GREB1L: variants seen among roughly 807,000 people sequenced by gnomAD.
GREB1L encodes GREB1-like protein.
A neutral mutation model predicts 200.8 loss-of-function variants in GREB1L; 17 were observed. The ratio of observed to expected loss-of-function variants is 0.08; its 90% CI spans 0.06 to 0.13. GREB1L has a LOEUF of 0.13. GREB1L is among the 10% of genes least tolerant of loss of function. The pLI is 1.00. For synonymous variants in GREB1L, 789 were observed against 893.0 expected (o/e 0.88, Z 2.08); for missense variants, 1,657 against 2,367.7 (o/e 0.70, Z 6.23).
chr18:21,461,096 CA>C (rs71178176), intron 15 of GREB1L, among the ~76,000 whole-genome samples: 40 of 130,008 alleles, frequency 3.1e-4, no homozygotes, highest in Admixed American at 3.1e-4. Flanking sequence ...GACTCCATCT[CA>C]AAAAAAAAAA....
intron 1 of GREB1L, among the ~76,000 whole-genome samples, chr18:21,277,053 C>G (rs1181946302): frequency 6.6e-6 from 1 of 151,716 alleles, no homozygotes; most frequent in African/African-American, 2.4e-5. Context: ...CTCAGCCTCC[C>G]AAGTAGCTGG....
intron 7 of GREB1L, among the ~76,000 whole-genome samples, chr18:21,435,563 G>A (rs1323607640): frequency 6.6e-6 from 1 of 152,120 alleles, no homozygotes; most frequent in Admixed American, 6.6e-5. Flanking sequence ...ACAATGAGGA[G>A]ATCTTCACTG....
chr18:21,309,226 A>G (rs1158649757), intron 1 of GREB1L, among the ~76,000 whole-genome samples: 1 of 152,212 alleles, frequency 6.6e-6, no homozygotes, highest in Non-Finnish European at 1.5e-5. Flanking sequence ...CCTGCTTTGT[A>G]TAGTTGAGTT....
At chr18:21,254,019 G>T (rs1243170361) in intron 1 of GREB1L, among the ~76,000 whole-genome samples, 1 of 139,378 alleles carries the variant, frequency 7.2e-6, no homozygotes, top group Admixed American at 7.3e-5. Flanking sequence ...AAAACTTTCT[G>T]TGGAGATAGG....
At chr18:21,304,598 C>G (rs534683613) in intron 1 of GREB1L, among the ~76,000 whole-genome samples, 1 of 152,040 alleles carries the variant, frequency 6.6e-6, no homozygotes, top group Admixed American at 6.5e-5. Flanking sequence ...CATTTGGATA[C>G]AAATAGGTAT....
chr18:21,442,958 G>A (rs1352717286), intron 10 of GREB1L, among the ~76,000 whole-genome samples: 11 of 152,074 alleles, frequency 7.2e-5, no homozygotes, highest in Non-Finnish European at 4.4e-5. Context: ...CACTCAGGCT[G>A]GAGTGCAGTG....
intron 14 of GREB1L, 39 bp downstream of exon 14, chr18:21,452,256 T>C: frequency 6.5e-7 from 1 of 1,542,032 alleles, no homozygotes; most frequent in South Asian, 1.2e-5. Flanking sequence ...AGTCAGTCCT[T>C]GGGACAGACA....
At chr18:21,474,573 G>A (rs891044716) in intron 16 of GREB1L, among the ~76,000 whole-genome samples, 8 of 152,190 alleles carry the variant, frequency 5.3e-5, no homozygotes, top group Non-Finnish European at 1.0e-4. Flanking sequence ...CCATGTGGAA[G>A]CTGCTTCCAC....
intron 15 of GREB1L, among the ~76,000 whole-genome samples, chr18:21,461,562 A>G (rs1222829645): frequency 1.3e-5 from 2 of 151,986 alleles, no homozygotes; most frequent in African/African-American, 4.8e-5. Context: ...TTTTGGCAAC[A>G]CTGGAGACCT....
intron 7 of GREB1L, among the ~76,000 whole-genome samples, chr18:21,417,675 G>A (rs886876402): frequency 6.6e-6 from 1 of 151,946 alleles, no homozygotes; most frequent in African/African-American, 2.4e-5. Flanking sequence ...ATGAAAATCC[G>A]AATCTTTACA....
At chr18:21,424,264 G>A (rs1398740218) in intron 7 of GREB1L, among the ~76,000 whole-genome samples, 1 of 152,126 alleles carries the variant, frequency 6.6e-6, no homozygotes, top group Non-Finnish European at 1.5e-5. Flanking sequence ...TTTATACATA[G>A]TATTTTTAAA....
chr18:21,417,820 A>G (rs2031783971), intron 7 of GREB1L, among the ~76,000 whole-genome samples: 1 of 151,970 alleles, frequency 6.6e-6, no homozygotes, highest in African/African-American at 2.4e-5. Context: ...TCTACTAAAA[A>G]TATTTGAAAA....
Position 21,500,051 on chromosome 18 carries a change from C to T in GREB1L, c.3714C>T (p.Ala1238=). The T allele has an allele frequency of 6.4e-7, 1 of 1,551,646 alleles. No homozygotes were observed. ...CAGTGGTGATCCTATCCAAAGCGGC[C>T]TACAGTCTCCTGGGCTCCCAGAAGA... is the stretch of plus-strand genomic sequence containing the variant. ...LPPVVILSKA[A]YSLLGSQKSG... Residue 1238 remains alanine, a synonymous_variant, in exon 22 of 33, where the codon GCC becomes GCT. Coordinates refer to ENST00000424526, the MANE Select transcript of GREB1L (RefSeq NM_001142966.3).
chr18:21,496,924 A>G (rs186221345), intron 21 of GREB1L, among the ~76,000 whole-genome samples: 1 of 152,284 alleles, frequency 6.6e-6, no homozygotes, highest in Non-Finnish European at 1.5e-5. Context: ...AGAGCTTGGT[A>G]ATAGGCTAAA....
chr18:21,398,061 A>AT (rs2041160363), intron 5 of GREB1L, among the ~76,000 whole-genome samples: 1 of 152,170 alleles, frequency 6.6e-6, no homozygotes, highest in Non-Finnish European at 1.5e-5. Context: ...CTCATAATGC[A>AT]TTTTTTGTTC....
chr18:21,344,186 G>T (rs1373528395), intron 1 of GREB1L, among the ~76,000 whole-genome samples: 1 of 152,170 alleles, frequency 6.6e-6, no homozygotes, highest in African/African-American at 2.4e-5. Flanking sequence ...CGGATCACGA[G>T]GTCAGGATAT....
intron 1 of GREB1L, among the ~76,000 whole-genome samples, chr18:21,353,570 A>G (rs761903148): frequency 6.6e-6 from 1 of 152,136 alleles, no homozygotes; most frequent in Non-Finnish European, 1.5e-5. Context: ...CTAGTCAACT[A>G]TGTCAGCCTT....
chr18:21,507,562 G>C (rs2037065270), intron 25 of GREB1L, among the ~76,000 whole-genome samples: 1 of 152,184 alleles, frequency 6.6e-6, no homozygotes, highest in South Asian at 2.1e-4. Flanking sequence ...ATGTAGGTTA[G>C]ATTTATATTT....
chr18:21,304,730 C>G (rs2038672995), intron 1 of GREB1L, among the ~76,000 whole-genome samples: 1 of 151,944 alleles, frequency 6.6e-6, no homozygotes, highest in South Asian at 2.1e-4. Context: ...AAAAATAACC[C>G]CTAGGTTTTT....
Sources: gnomAD v4.1 joint callset for allele counts (sites outside exome capture counted in the v4.1 genomes callset) on GRCh38, gnomAD v4.1.1 for gene constraint, MANE v1.5 for transcripts, NCBI Gene and HGNC (gene_info 2026-07-23, HGNC 2026-07-21) for gene names.